TARS3: variants seen among roughly 807,000 people sequenced by gnomAD.
TARS3 encodes the protein threonyl-tRNA synthetase 3, also known as threonine--tRNA ligase 2, cytoplasmic.
A neutral mutation model predicts 103.5 loss-of-function variants in TARS3; 94 were observed. The observed-to-expected ratio is 0.91, with a 90% CI of 0.77 to 1.08. The LOEUF (loss-of-function observed/expected upper bound fraction) is 1.08, where lower values mean the gene tolerates loss of function less well. Ranked by LOEUF, TARS3 falls within the 50% of genes least tolerant of loss-of-function variation. The pLI, the probability that TARS3 is intolerant of heterozygous loss-of-function variation, is 0.00. For missense variants in TARS3, 952 were observed against 995.2 expected, an observed-to-expected ratio of 0.96 and a Z score of 0.58; for synonymous variants, 416 against 355.4, an observed-to-expected ratio of 1.17 and a Z score of -1.92.
chr15:101,675,364 C>T (rs576356884), intron 13 of TARS3, among the ~76,000 whole-genome samples: 31 of 152,280 alleles, frequency 2.0e-4, no homozygotes, highest in African/African-American at 6.0e-4. Flanking sequence ...ACCAGCACTG[C>T]AGGACTATAA....
At chr15:101,718,154 A>G (rs1900251827) in intron 3 of TARS3, among the ~76,000 whole-genome samples, 1 of 152,130 alleles carries the variant, frequency 6.6e-6, no homozygotes, top group South Asian at 2.1e-4. Flanking sequence ...AGACCACCTG[A>G]GGTTGGAAGT....
At chr15:101,677,200 C>A (rs553668479) in intron 12 of TARS3, among the ~76,000 whole-genome samples, 127 of 152,308 alleles carry the variant, frequency 8.3e-4, no homozygotes, top group African/African-American at 2.8e-3. Flanking sequence ...CCTGTGAGTG[C>A]GTTTCTCGAA....
At chr15:101,680,691 T>A (rs1898224283) in intron 12 of TARS3, among the ~76,000 whole-genome samples, 1 of 152,248 alleles carries the variant, frequency 6.6e-6, no homozygotes, top group Non-Finnish European at 1.5e-5. Flanking sequence ...TGTTAAGTAT[T>A]CTGGATTCAA....
At chr15:101,665,154 A>G (rs994425645) in intron 15 of TARS3, among the ~76,000 whole-genome samples, 2 of 152,248 alleles carry the variant, frequency 1.3e-5, no homozygotes, top group African/African-American at 4.8e-5. Flanking sequence ...TCCCAGAAGG[A>G]GCGGAGGTAT....
chr15:101,710,895 G>A (rs568993253), intron 5 of TARS3, among the ~76,000 whole-genome samples: 7 of 152,268 alleles, frequency 4.6e-5, no homozygotes, highest in African/African-American at 1.7e-4. Flanking sequence ...TGGCGTGGTG[G>A]TGAAGAGGAG....
chr15:101,658,296 G>A (rs1423146086), intron 16 of TARS3, among the ~76,000 whole-genome samples: 2 of 142,284 alleles, frequency 1.4e-5, no homozygotes, highest in African/African-American at 5.2e-5. Context: ...ACTGTGGAAC[G>A]TGGAACACCA....
At position 101,721,305 on chromosome 15, in the gene TARS3, A is replaced by G. The variant is rs372112873; in HGVS notation, c.387T>C (p.Ile129=). 1.8e-5 allele frequency: 29 copies of G among 1,610,666 alleles called. No individual in the cohort carries two copies. The African/African-American group carries it at 3.1e-4, about 17-fold the overall frequency. The change falls in exon 3 of 19, where the codon ATT becomes ATC. Residue 129 remains isoleucine, a synonymous_variant. Coordinates refer to ENST00000335968, the MANE Select transcript of TARS3 (RefSeq NM_152334.3). ...AAAGCTTCAATCTTTCTTTTATGAAAATTGGTTGATGCTTCACCTGGAAAT... is the reference window on the plus strand; with the variant it reads ...AAAGCTTCAATCTTTCTTTTATGAAGATTGGTTGATGCTTCACCTGGAAAT... The part of the protein sequence containing the change: ...EADSEVKHQP[I]FIKERLKLFE...
intron 15 of TARS3, among the ~76,000 whole-genome samples, chr15:101,669,110 C>A (rs549986582): frequency 6.6e-6 from 1 of 152,278 alleles, no homozygotes; most frequent in Non-Finnish European, 1.5e-5. Flanking sequence ...GAACCTTCCA[C>A]TGGGACAAGA....
chr15:101,703,731 AGAAT>A (rs1899398974), intron 8 of TARS3, 124 bp downstream of exon 8: 7 of 638,314 alleles, frequency 1.1e-5, no homozygotes. Context: ...TCATCAAATA[AGAAT>A]GAAATATTTT....
At chr15:101,684,365 G>T in intron 11 of TARS3, 128 bp from the exon 12 acceptor site, 1 of 918,972 alleles carries the variant, frequency 1.1e-6, no homozygotes, top group South Asian at 2.8e-5. Context: ...TAGATCACCA[G>T]GTTAAAAAAA....
chr15:101,705,745 G>A lies in TARS3; in HGVS notation c.933C>T (p.Tyr311=), dbSNP rs1363438553. The change falls in exon 7 of 19, where the codon TAC becomes TAT. Residue 311 remains tyrosine (Y), a splice_region_variant and synonymous_variant. Transcript: ENST00000335968. The part of the protein sequence containing the change: ...SKEILLEMFK[Y]NKFKCRILNE... ...TCAGAATGCGGCATTTAAATTTATT[G>A]TACTACGAAGAAAAACATATTTACA... 3 of 1,602,188 alleles carry A rather than the reference G, an allele frequency of 1.9e-6. No individual in the cohort carries two copies. Among genetic ancestry groups the A allele is most frequent in the Non-Finnish European group, 2.6e-6 (3 of 1,171,648 alleles).
intron 15 of TARS3, among the ~76,000 whole-genome samples, chr15:101,667,923 C>T (rs936510207): frequency 6.6e-6 from 1 of 152,112 alleles, no homozygotes; most frequent in Admixed American, 6.5e-5. Context: ...CTTCATGAAC[C>T]AACCTCTTGC....
chr15:101,656,818 C>A (rs1897211464), intron 18 of TARS3, 104 bp downstream of exon 18: 1 of 711,924 alleles, frequency 1.4e-6, no homozygotes, highest in Non-Finnish European at 2.4e-6. Context: ...ATTAAATAGA[C>A]AAATCATGAT....
intron 16 of TARS3, among the ~76,000 whole-genome samples, chr15:101,658,495 T>C (rs1030224441): frequency 5.3e-5 from 8 of 151,966 alleles, no homozygotes; most frequent in South Asian, 2.1e-4. Flanking sequence ...AACAAGTTCA[T>C]GGCTGTCAGA....
chr15:101,671,524 G>T lies in TARS3; in HGVS notation c.1929C>A (p.Asp643Glu), dbSNP rs1373364391. The change falls in exon 15 of 19, where the codon GAC becomes GAA. Residue 643 changes from aspartate to glutamate, a missense_variant. Coordinates refer to ENST00000335968, the MANE Select transcript of TARS3 (RefSeq NM_152334.3). ...GATTAAATCTAATAGGCAGTTGGAAGTCCAGCTGAATTGTAGCACATTGAT... is the reference window on the plus strand; with the variant it reads ...GATTAAATCTAATAGGCAGTTGGAATTCCAGCTGAATTGTAGCACATTGAT... The part of the protein sequence containing the change: ...RYHQCATIQL[D>E]FQLPIRFNLT... 6.2e-7 allele frequency: 1 copy of T among 1,610,894 alleles called. No homozygotes were observed. The highest frequency in any genetic ancestry group is 8.5e-7 in the Non-Finnish European group (1 of 1,177,370).
intron 12 of TARS3, among the ~76,000 whole-genome samples, chr15:101,683,828 C>T (rs1340494411): frequency 6.6e-6 from 1 of 152,166 alleles, no homozygotes; most frequent in East Asian, 1.9e-4. Context: ...CAGAATTCCA[C>T]CAAATCCCTT....
At chr15:101,704,016 G>A (rs1042895903) in intron 7 of TARS3, 79 bp from the exon 8 acceptor site, 2 of 1,002,788 alleles carry the variant, frequency 2.0e-6, no homozygotes, top group Middle Eastern at 2.1e-4. Flanking sequence ...AATATCCTAT[G>A]TTTTAGGTAG....
chr15:101,723,947 GCA>G lies in TARS3; in HGVS notation c.297+142_297+143del, dbSNP rs1900623804. 6 of 653,812 alleles carry G rather than the reference GCA, an allele frequency of 9.2e-6. No individual in the cohort carries two copies. The South Asian group carries it at 2.4e-4, about 26-fold the overall frequency. The allele number at this position is 653,812 out of a possible 1,614,324, so 40.5% of individuals were successfully genotyped here. A position where few individuals can be genotyped will look rare whatever the true frequency, so the allele number is the denominator to read the frequency against. ...AGGCCACACGGGACCACCGAGCAGGGCAGGGCGGGCCAGCCGCAGGGCACTGG... is the reference window on the plus strand; with the variant it reads ...AGGCCACACGGGACCACCGAGCAGGGGGGCGGGCCAGCCGCAGGGCACTGG... On this transcript the variant is annotated intron_variant, in intron 1 of 18. Transcript: ENST00000335968.
chr15:101,656,377 G>A (rs1056842021), intron 18 of TARS3, among the ~76,000 whole-genome samples: 1 of 152,158 alleles, frequency 6.6e-6, no homozygotes, highest in African/African-American at 2.4e-5. Flanking sequence ...TAGCAATACT[G>A]TGCCTGCAGT....
Sources: gnomAD v4.1 joint callset for allele counts (sites outside exome capture counted in the v4.1 genomes callset) on GRCh38, gnomAD v4.1.1 for gene constraint, MANE v1.5 for transcripts, NCBI Gene and HGNC (gene_info 2026-07-23, HGNC 2026-07-21) for gene names.